Variants in TENM3 observed in about 807,000 individuals in gnomAD.
TENM3 encodes the protein teneurin-3.
In TENM3, 63 loss-of-function variants were observed where a neutral mutation model predicts 255.1. The observed-to-expected ratio is 0.25, with a 90% CI of 0.20 to 0.30. The LOEUF (loss-of-function observed/expected upper bound fraction) is 0.30, where lower values mean the gene tolerates loss of function less well. Ranked by LOEUF, TENM3 falls within the 10% of genes least tolerant of loss-of-function variation. The pLI is 1.00. For missense variants in TENM3, 2,929 were observed against 3,461.1 expected (o/e 0.85, Z 3.86); for synonymous variants, 1,306 against 1,322.3 (o/e 0.99, Z 0.27).
chr4:181,585,689 CA>C, the TENM3 span, among the ~76,000 whole-genome samples: 1 of 152,150 alleles, frequency 6.6e-6, no homozygotes, highest in African/African-American at 2.4e-5. Context: ...CCATTTCAAT[CA>C]CATGCCTAAG....
At chr4:182,176,241 G>A (rs147121836) in intron 1 of TENM3, among the ~76,000 whole-genome samples, 46 of 152,234 alleles carry the variant, frequency 3.0e-4, no homozygotes, top group Admixed American at 1.1e-3. Flanking sequence ...TTTGAGGGGC[G>A]GAGTAGCATA....
chr4:181,673,629 C>T, the TENM3 span, among the ~76,000 whole-genome samples: 11 of 152,058 alleles, frequency 7.2e-5, no homozygotes, highest in African/African-American at 2.7e-4. Context: ...TCCAGAACAT[C>T]GTGTTTGAAA....
At chr4:182,169,320 T>C (rs975779769) in intron 1 of TENM3, 2 of 479,402 alleles carry the variant, frequency 4.2e-6, no homozygotes, top group African/African-American at 2.0e-5. Context: ...ACCATTAGTT[T>C]TGAATGTTTA....
At chr4:182,767,005 A>G (rs777084169) in intron 22 of TENM3, among the ~76,000 whole-genome samples, 6 of 152,196 alleles carry the variant, frequency 3.9e-5, no homozygotes, top group Non-Finnish European at 7.4e-5. Context: ...GCCATTTTTG[A>G]TAATAGGTAG....
chr4:182,003,114 G>A, the TENM3 span, among the ~76,000 whole-genome samples: 4 of 152,094 alleles, frequency 2.6e-5, no homozygotes, highest in African/African-American at 9.7e-5. Context: ...CAGCATGCAG[G>A]TAAGTTAAGT....
chr4:181,951,743 G>T, the TENM3 span, among the ~76,000 whole-genome samples: 45 of 152,218 alleles, frequency 3.0e-4, no homozygotes, highest in East Asian at 7.7e-4. Context: ...CATCAAACTG[G>T]TACATGCTTT....
At chr4:181,495,821 C>T in the TENM3 span, among the ~76,000 whole-genome samples, 1 of 145,618 alleles carries the variant, frequency 6.9e-6, no homozygotes, top group African/African-American at 2.5e-5. Context: ...TACCCATTAT[C>T]TAAGGAATCC....
chr4:181,771,047 G>A, the TENM3 span, among the ~76,000 whole-genome samples: 60 of 152,256 alleles, frequency 3.9e-4, no homozygotes, highest in East Asian at 4.3e-3. Context: ...TGTTCAGTCC[G>A]GGTTCCTGAA....
At chr4:182,292,649 C>T (rs80271378) in intron 1 of TENM3, among the ~76,000 whole-genome samples, 3,150 of 152,254 alleles carry the variant, frequency 0.021, 124 homozygotes, top group African/African-American at 0.072. Context: ...CTCTCTTTCC[C>T]TCTCTGAAAG....
the TENM3 span, among the ~76,000 whole-genome samples, chr4:181,868,277 C>G: frequency 6.6e-6 from 1 of 152,044 alleles, no homozygotes; most frequent in Non-Finnish European, 1.5e-5. Flanking sequence ...CCTTCCCTCA[C>G]CCCAGCATGG....
At chr4:181,938,181 A>T in the TENM3 span, among the ~76,000 whole-genome samples, 1 of 152,200 alleles carries the variant, frequency 6.6e-6, no homozygotes, top group African/African-American at 2.4e-5. Context: ...AACGTTTTAT[A>T]CCTAGAAGGA....
the TENM3 span, among the ~76,000 whole-genome samples, chr4:181,813,791 T>G: frequency 6.6e-6 from 1 of 152,204 alleles, no homozygotes; most frequent in Non-Finnish European, 1.5e-5. Context: ...GAGTCTCATC[T>G]TACGGAGGTA....
chr4:181,942,257 A>G, the TENM3 span, among the ~76,000 whole-genome samples: 1 of 125,674 alleles, frequency 8.0e-6, no homozygotes, highest in African/African-American at 3.0e-5. Flanking sequence ...CAGCATTGCT[A>G]TGATGTTGGG....
At chr4:181,841,367 A>C in the TENM3 span, among the ~76,000 whole-genome samples, 1 of 152,130 alleles carries the variant, frequency 6.6e-6, no homozygotes. Flanking sequence ...GCATCAGAGC[A>C]TCTTGGAGAG....
chr4:181,846,102 T>C, the TENM3 span, among the ~76,000 whole-genome samples: 4 of 152,208 alleles, frequency 2.6e-5, no homozygotes, highest in African/African-American at 9.6e-5. Flanking sequence ...CATGGTTTTT[T>C]AATATATTTC....
intron 3 of TENM3, among the ~76,000 whole-genome samples, chr4:182,420,528 T>C (rs1770751896): frequency 6.6e-6 from 1 of 152,250 alleles, no homozygotes; most frequent in African/African-American, 2.4e-5. Context: ...AGGAAGTTTC[T>C]AGGCCTTTAT....
At chr4:181,977,031 T>G in the TENM3 span, among the ~76,000 whole-genome samples, 2 of 152,196 alleles carry the variant, frequency 1.3e-5, no homozygotes, top group East Asian at 3.9e-4. Flanking sequence ...CTCCTTTGCT[T>G]AGTTGAGCCA....
chr4:182,625,751 G>A (rs1320312243), intron 4 of TENM3, among the ~76,000 whole-genome samples: 1 of 152,144 alleles, frequency 6.6e-6, no homozygotes, highest in Non-Finnish European at 1.5e-5. Context: ...AGCTTCACAA[G>A]AGGCATGCTT....
chr4:181,995,903 C>G, the TENM3 span, among the ~76,000 whole-genome samples: 1 of 152,008 alleles, frequency 6.6e-6, no homozygotes, highest in Non-Finnish European at 1.5e-5. Context: ...TTCACAGGTC[C>G]CAGATGTCTC....
Sources: gnomAD v4.1 joint callset for allele counts (sites outside exome capture counted in the v4.1 genomes callset) on GRCh38, gnomAD v4.1.1 for gene constraint, MANE v1.5 for transcripts, NCBI Gene and HGNC (gene_info 2026-07-23, HGNC 2026-07-21) for gene names.